The following HERC4 variants were observed in gnomAD, a reference collection of about 807,000 sequenced individuals.
HERC4 encodes probable E3 ubiquitin-protein ligase HERC4.
Under a neutral mutation model 124.3 loss-of-function variants are expected in HERC4, and 28 were observed. The observed-to-expected ratio is 0.23, with a 90% CI of 0.17 to 0.31. The LOEUF (loss-of-function observed/expected upper bound fraction) is 0.31, where lower values mean the gene tolerates loss of function less well. Among genes scored for constraint, HERC4 ranks in the 10% least tolerant of loss-of-function variants. HERC4 has a pLI of 1.00. For synonymous variants in HERC4, 407 were observed against 421.5 expected (o/e 0.97, Z 0.42); for missense variants, 713 against 1,229.3 (o/e 0.58, Z 6.28).
chr10:67,966,489 G>T, intron 16 of HERC4, 194 bp downstream of exon 16: 1 of 464,762 alleles, frequency 2.2e-6, no homozygotes, highest in Non-Finnish European at 3.7e-6. Context: ...TTTGGCTTTG[G>T]TAAAAGAGTA....
intron 7 of HERC4, 58 bp from the exon 8 acceptor site, chr10:68,025,734 C>A (rs1286655615): frequency 4.3e-5 from 66 of 1,519,930 alleles, no homozygotes; most frequent in Non-Finnish European, 5.5e-5. Context: ...AATAACTGAT[C>A]TCCAGAAAAA....
In HERC4 at chr10:67,932,768, G is replaced by A. The variant is rs770973100; in HGVS notation, c.2667C>T (p.Val889=). The A allele has an allele frequency of 1.6e-5, 25 of 1,591,736 alleles. No homozygotes were observed. The highest frequency in any genetic ancestry group is 1.7e-4 in the Middle Eastern group (1 of 6,038). The change falls in exon 23 of 25, where the codon GTC becomes GTT. Residue 889 remains valine, a synonymous_variant. Coordinates refer to ENST00000373700, the MANE Select transcript of HERC4 (RefSeq NM_015601.4). ...TGAATATGTAATCCACATAAGCATC[G>A]ACAAACTCTTGCCTAGAAATGAAAA... ...AVNKQNRQEF[V]DAYVDYIFNK...
chr10:67,959,589 G>A (rs550192388), intron 16 of HERC4, among the ~76,000 whole-genome samples: 2 of 151,826 alleles, frequency 1.3e-5, no homozygotes, highest in South Asian at 4.2e-4. Flanking sequence ...ATGCCATATG[G>A]ACACAAAGTA....
chr10:68,038,364 AAT>A, intron 4 of HERC4, 195 bp from the exon 5 acceptor site: 3 of 417,626 alleles, frequency 7.2e-6, no homozygotes, highest in East Asian at 4.1e-5. Context: ...AAAAAAAAAA[AAT>A]TAAAGGGGTG....
At chr10:67,961,908 C>T (rs2034547110) in intron 16 of HERC4, among the ~76,000 whole-genome samples, 2 of 152,108 alleles carry the variant, frequency 1.3e-5, no homozygotes, top group African/African-American at 4.8e-5. Context: ...ATAAATGCTC[C>T]AACTGGCAGT....
At chr10:68,016,410 T>TGGC (rs2038269952) in intron 8 of HERC4, among the ~76,000 whole-genome samples, 1 of 152,158 alleles carries the variant, frequency 6.6e-6, no homozygotes, top group African/African-American at 2.4e-5. Flanking sequence ...TGGAGTGCAG[T>TGGC]GGCGTGATCT....
At chr10:68,056,727 C>G (rs1171047146) in intron 3 of HERC4, among the ~76,000 whole-genome samples, 1 of 151,998 alleles carries the variant, frequency 6.6e-6, no homozygotes, top group Non-Finnish European at 1.5e-5. Flanking sequence ...CTCATGTACA[C>G]CAGTAATAGT....
intron 8 of HERC4, among the ~76,000 whole-genome samples, chr10:68,018,966 AG>A (rs1432202763): frequency 6.7e-6 from 1 of 149,324 alleles, no homozygotes; most frequent in Non-Finnish European, 1.5e-5. Flanking sequence ...AAAGTAATAA[AG>A]GTCATCATCA....
chr10:67,979,385 GAAGA>G (rs1465199157), intron 15 of HERC4, among the ~76,000 whole-genome samples: 3 of 151,784 alleles, frequency 2.0e-5, no homozygotes, highest in South Asian at 2.1e-4. Context: ...TGATCAAGCA[GAAGA>G]AAGAATTAGT....
intron 9 of HERC4, chr10:68,010,974 G>C: frequency 1.1e-6 from 1 of 876,462 alleles, no homozygotes; most frequent in South Asian, 1.5e-5. Context: ...CATATCTATA[G>C]TTAAGTTCTT....
At chr10:67,995,036 T>C (rs536656769) in intron 9 of HERC4, 2 of 245,972 alleles carry the variant, frequency 8.1e-6, no homozygotes, top group East Asian at 1.3e-4. Flanking sequence ...AGAAACCTAG[T>C]CATTTGTCCT....
chr10:67,969,708 T>A (rs901036615), intron 15 of HERC4, among the ~76,000 whole-genome samples: 2 of 151,928 alleles, frequency 1.3e-5, no homozygotes, highest in Non-Finnish European at 2.9e-5. Context: ...CTCAGAATCT[T>A]ATATCAGTAG....
At chr10:68,007,004 C>T (rs655017) in intron 9 of HERC4, among the ~76,000 whole-genome samples, 151,449 of 152,284 alleles carry the variant, frequency 0.99, 75,317 homozygotes, top group East Asian at 1. Context: ...CACTTGAATA[C>T]TGATATTTTT....
At chr10:68,020,432 G>A (rs971744338) in intron 8 of HERC4, among the ~76,000 whole-genome samples, 1 of 151,890 alleles carries the variant, frequency 6.6e-6, no homozygotes, top group Non-Finnish European at 1.5e-5. Flanking sequence ...AAAAAAAAAT[G>A]TATGAACAAA....
chr10:67,963,774 G>A (rs1275805840), intron 16 of HERC4, among the ~76,000 whole-genome samples: 1 of 152,042 alleles, frequency 6.6e-6, no homozygotes, highest in African/African-American at 2.4e-5. Context: ...GTATGAACAA[G>A]GTTCATTTCC....
intron 15 of HERC4, among the ~76,000 whole-genome samples, chr10:67,985,943 T>C (rs1412540900): frequency 6.6e-6 from 1 of 152,196 alleles, no homozygotes; most frequent in Non-Finnish European, 1.5e-5. Flanking sequence ...CTGAGGAAAT[T>C]CCCCTTAATT....
At chr10:68,066,406 T>C (rs2041305716) in intron 3 of HERC4, among the ~76,000 whole-genome samples, 1 of 152,188 alleles carries the variant, frequency 6.6e-6, no homozygotes, top group Non-Finnish European at 1.5e-5. Context: ...GCTGATCTTT[T>C]AAGGAAAGTA....
chr10:67,945,047 A>G (rs1262142492), intron 19 of HERC4, among the ~76,000 whole-genome samples: 1 of 152,236 alleles, frequency 6.6e-6, no homozygotes, highest in Non-Finnish European at 1.5e-5. Context: ...TCAAAGAGAT[A>G]ATAACAGTGA....
At chr10:67,958,232 T>G (rs1344022728) in intron 16 of HERC4, among the ~76,000 whole-genome samples, 1 of 152,230 alleles carries the variant, frequency 6.6e-6, no homozygotes, top group Non-Finnish European at 1.5e-5. Flanking sequence ...TTTATTACAT[T>G]CTAAACATTC....
Sources: allele counts gnomAD v4.1 joint callset (sites outside exome capture counted in the v4.1 genomes callset), GRCh38; gene constraint gnomAD v4.1.1; transcripts MANE v1.5; gene names NCBI Gene and HGNC (gene_info 2026-07-23, HGNC 2026-07-21).